Variants in ZBTB47 observed in about 807,000 individuals in gnomAD.
ZBTB47 encodes the protein zinc finger and BTB domain-containing protein 47.
In ZBTB47, 24 loss-of-function variants were observed where a neutral mutation model predicts 56.6. The observed-to-expected ratio is 0.42, with a 90% CI of 0.31 to 0.60. The LOEUF is 0.60. ZBTB47 is among the 20% of genes least tolerant of loss of function. The pLI is 0.14. For missense variants in ZBTB47, 829 were observed against 1,032.6 expected, an observed-to-expected ratio of 0.80 and a Z score of 2.70; for synonymous variants, 414 against 418.9, an observed-to-expected ratio of 0.99 and a Z score of 0.14.
At chr3:42,655,281 G>GC (rs1165084072) in intron 1 of ZBTB47, among the ~76,000 whole-genome samples, 4 of 152,046 alleles carry the variant, frequency 2.6e-5, no homozygotes, top group Non-Finnish European at 5.9e-5. Flanking sequence ...CTCAGTCTGG[G>GC]CCCCCCCACT....
chr3:42,655,015 G>A (rs886535457), intron 1 of ZBTB47, among the ~76,000 whole-genome samples: 8 of 152,116 alleles, frequency 5.3e-5, no homozygotes, highest in Non-Finnish European at 1.2e-4. Context: ...AGAGGGAGTC[G>A]GATTCCCGCC....
rs548337309 is a variant in ZBTB47, at chr3:42,664,250, C to T, written c.1896C>T (p.Tyr632=). The change falls in exon 6 of 6, where the codon TAC becomes TAT. Residue 632 remains tyrosine, a synonymous_variant. Transcript: ENST00000232974. ...CCCAACCCCCAGGAGAGAAGCCGTA[C>T]ATCTGCGAGATCTGTGGCAAGAGCT... ...HMKTHTGEKP[Y]ICEICGKSFT... 1.9e-6 allele frequency: 3 copies of T among 1,613,708 alleles called. No individual in the cohort carries two copies. The highest frequency in any genetic ancestry group is 4.5e-5 in the East Asian group (2 of 44,858).
rs770416446 is a variant in ZBTB47 at position 42,659,744 on chromosome 3, G to C, written c.1389G>C (p.Gln463His). 1 of 1,613,812 alleles carries C rather than the reference G, an allele frequency of 6.2e-7. No individual in the cohort carries two copies. Among genetic ancestry groups the C allele is most frequent in the African/African-American group, 1.3e-5 (1 of 74,956 alleles). The change falls in exon 2 of 6, where the codon CAG (glutamine) becomes CAC (histidine). Residue 463 changes from glutamine (Q) to histidine (H), a missense_variant. Coordinates refer to ENST00000232974, the MANE Select transcript of ZBTB47 (RefSeq NM_145166.4). ...KHMNVTHSRM[Q>H]ICDQCGKRFL... ...TGAATGTGACCCACAGCCGCATGCA[G>C]ATCTGCGACCAGTGCGGCAAGCGCT...
intron 1 of ZBTB47, among the ~76,000 whole-genome samples, chr3:42,657,722 C>G (rs1400772057): frequency 6.6e-6 from 1 of 152,162 alleles, no homozygotes; most frequent in African/African-American, 2.4e-5. Context: ...AGCAGTGAGC[C>G]CGGCTTCTGT....
chr3:42,661,948 GA>G (rs1710727322), intron 3 of ZBTB47, among the ~76,000 whole-genome samples: 1 of 152,240 alleles, frequency 6.6e-6, no homozygotes, highest in Admixed American at 6.5e-5. Context: ...TCCACCCAGG[GA>G]AAAGAATACC....
rs1353134859 is a variant in ZBTB47, at chr3:42,658,326, G to A, written c.-30G>A. Reference sequence around the variant, plus strand: ...CCCGGCGGCTGAGTTCTCGCTGGTGGAGGACGTGGCGCTGCACTTTGCCTG... The same window carrying A: ...CCCGGCGGCTGAGTTCTCGCTGGTGAAGGACGTGGCGCTGCACTTTGCCTG... On this transcript the variant is annotated 5_prime_UTR_variant, in exon 2 of 6. It introduces an in-frame stop codon into an upstream open reading frame of the 5' UTR. Transcript: ENST00000232974. 6.6e-7 allele frequency: 1 copy of A among 1,507,342 alleles called. No homozygotes were observed. The highest frequency in any genetic ancestry group is 2.5e-5 in the East Asian group (1 of 40,638). The allele number at this position is 1,507,342 out of a possible 1,614,324, so 93.4% of individuals were successfully genotyped here.
At position 42,663,482 on chromosome 3, in the gene ZBTB47, A is replaced by G. The variant is rs1710746643; in HGVS notation, c.1738-315A>G. Among the ~76,000 whole-genome samples the G allele has an allele frequency of 6.6e-6, 1 of 152,064 alleles. No individual in the cohort carries two copies. Among genetic ancestry groups the G allele is most frequent in the Non-Finnish European group, 1.5e-5 (1 of 67,976 alleles). On this transcript the variant is annotated intron_variant, in intron 4 of 5. Coordinates refer to ENST00000232974, the MANE Select transcript of ZBTB47 (RefSeq NM_145166.4). The surrounding 1 kb of genome is among the most constrained non-coding windows in gnomAD (Gnocchi z 5.1). ...GAGCTGCAGGTGGGGAGGTGGGGGC[A>G]GGGGCTGGGCGTCTGATCAGGAGGA...
At chr3:42,664,039 C>G in intron 5 of ZBTB47, 98 bp downstream of exon 5, 7 of 1,487,262 alleles carry the variant, frequency 4.7e-6, no homozygotes, top group Non-Finnish European at 6.3e-6. Flanking sequence ...CACCCCTTCT[C>G]AAGTCTGGGC....
At chr3:42,657,479 G>T (rs1222087575) in intron 1 of ZBTB47, among the ~76,000 whole-genome samples, 2 of 152,238 alleles carry the variant, frequency 1.3e-5, no homozygotes, top group Non-Finnish European at 2.9e-5. Context: ...GAGAGCTGCT[G>T]GGGGCTAGGC....
intron 2 of ZBTB47, 140 bp from the exon 3 acceptor site, chr3:42,661,345 G>C (rs535765763): frequency 1.1e-4 from 103 of 898,046 alleles, no homozygotes; most frequent in Non-Finnish European, 1.6e-4. Context: ...AGAAACATCA[G>C]AGCTGGCTGG....
Position 42,664,690 on chromosome 3 carries a change from G to C in ZBTB47, c.*92G>C, listed in dbSNP as rs1383158565. On this transcript the variant is annotated 3_prime_UTR_variant, in exon 6 of 6. Transcript: ENST00000232974. Reference sequence around the variant, plus strand: ...GCCTTCCCGGGGAGCACAGTAGTGCGGGCCTGGGCCCTGCTCCACCTCCAG... The same window carrying C: ...GCCTTCCCGGGGAGCACAGTAGTGCCGGCCTGGGCCCTGCTCCACCTCCAG... 2.3e-6 allele frequency: 3 copies of C among 1,314,054 alleles called. No homozygotes were observed. In the Admixed American group the frequency reaches 1.2e-4, roughly 52 times the overall value. 81.4% of individuals were successfully genotyped at this position (1,314,054 alleles called of 1,614,324 possible).
chr3:42,660,446 T>A (rs1334984720), intron 2 of ZBTB47, among the ~76,000 whole-genome samples: 1 of 151,950 alleles, frequency 6.6e-6, no homozygotes, highest in Non-Finnish European at 1.5e-5. Context: ...GGGTGAGAAA[T>A]TTGGGAAGAG....
In ZBTB47 at chr3:42,654,770, G is replaced by A. The variant is rs1483037471; in HGVS notation, c.-82+887G>A. ...CTGACCTCCCAGGCACACGGCCCGC[G>A]GGCCCGGGTGGAGGGGCTGGAGGGA... On this transcript the variant is annotated intron_variant, in intron 1 of 5. Transcript: ENST00000232974. This position sits in a 1 kb window ranked among gnomAD's most constrained non-coding sequence, Gnocchi z 5.0. The A allele has an allele frequency of 2.0e-5, 19 of 959,170 alleles. No individual in the cohort carries two copies. The South Asian group carries it at 9.1e-4, about 46-fold the overall frequency. The allele number at this position is 959,170 out of a possible 1,614,324, so 59.4% of individuals were successfully genotyped here.
rs1710609033 is a variant in ZBTB47, at chr3:42,654,334, T to A, written c.-82+451T>A. On this transcript the variant is annotated intron_variant, in intron 1 of 5. Coordinates refer to ENST00000232974, the MANE Select transcript of ZBTB47 (RefSeq NM_145166.4). This position sits in a 1 kb window ranked among gnomAD's most constrained non-coding sequence, Gnocchi z 5.0. ...CTGGGGCTGGGGGTGGAGGGCAGCC[T>A]GCGGCAGGGCGGGCTGCACGGGGAC... 6 of 148,710 alleles carry A rather than the reference T, an allele frequency of 4.0e-5. No individual in the cohort carries two copies. In the South Asian group the frequency reaches 1.3e-3, roughly 31 times the overall value. 9.2% of individuals were successfully genotyped at this position (148,710 alleles called of 1,614,324 possible). A position where few individuals can be genotyped will look rare whatever the true frequency, so the allele number is the denominator to read the frequency against.
At chr3:42,659,884 T>G (rs774534725) in intron 2 of ZBTB47, 56 bp downstream of exon 2, 15 of 1,517,270 alleles carry the variant, frequency 9.9e-6, no homozygotes, top group South Asian at 1.3e-5. Context: ...GGCTAGGCCA[T>G]AACTGGGCTC....
chr3:42,659,371 A>G lies in ZBTB47; in HGVS notation c.1016A>G (p.Glu339Gly). 3 of 1,208,562 alleles carry G rather than the reference A, an allele frequency of 2.5e-6. No individual in the cohort carries two copies. The highest frequency in any genetic ancestry group is 3.2e-6 in the Non-Finnish European group (3 of 945,904). 74.9% of individuals were successfully genotyped at this position (1,208,562 alleles called of 1,614,324 possible). The stretch of plus-strand genomic sequence containing the variant: ...GAGGAAGAGGAGGAAGGGCCTAGTG[A>G]GCAGGATCAAGAGAGCTCTGAGGAG... ...EEEEEEEGPS[E>G]QDQESSEEEE... The change falls in exon 2 of 6, where the codon GAG (glutamate) becomes GGG (glycine). Residue 339 changes from glutamate to glycine, a missense_variant. Physicochemically the swap from Glu to Gly is moderately conservative, Grantham distance 98 (BLOSUM62 -2). Coordinates refer to ENST00000232974, the MANE Select transcript of ZBTB47 (RefSeq NM_145166.4).
chr3:42,662,326 G>A (rs1252860718), intron 3 of ZBTB47, among the ~76,000 whole-genome samples: 2 of 152,208 alleles, frequency 1.3e-5, no homozygotes, highest in Non-Finnish European at 2.9e-5. Context: ...ACAGTGCTGG[G>A]GGCCCTCCAG....
rs964771512 is a variant in ZBTB47, at chr3:42,664,817, C to A, written c.*219C>A. The A allele has an allele frequency of 4.7e-6, 2 of 421,638 alleles. No homozygotes were observed. Among genetic ancestry groups the A allele is most frequent in the Non-Finnish European group, 8.0e-6 (2 of 249,710 alleles). The allele number at this position is 421,638 out of a possible 1,614,324, so 26.1% of individuals were successfully genotyped here. ...GGCATCTCACTCCCAAGTGCCCCCC[C>A]TTTCTGTGACTCCTTGAAGCCTTTA... On this transcript the variant is annotated 3_prime_UTR_variant, in exon 6 of 6. Coordinates refer to ENST00000232974, the MANE Select transcript of ZBTB47 (RefSeq NM_145166.4).
chr3:42,659,045 G>T lies in ZBTB47; in HGVS notation c.690G>T (p.Glu230Asp), dbSNP rs1021315755. 7.2e-6 allele frequency: 11 copies of T among 1,528,388 alleles called. No homozygotes were observed. The African/African-American group carries it at 1.5e-4, about 21-fold the overall frequency. The allele number at this position is 1,528,388 out of a possible 1,614,324, so 94.7% of individuals were successfully genotyped here. A position where few individuals can be genotyped will look rare whatever the true frequency, so the allele number is the denominator to read the frequency against. ...LGGSGTYSRR[E>D]QSQIIVEVNL... ...GTTCTGGCACCTACAGCCGCAGGGA[G>T]CAATCCCAGATCATCGTGGAGGTGA... is the stretch of plus-strand genomic sequence containing the variant. The change falls in exon 2 of 6, where the codon GAG (glutamate) becomes GAT (aspartate). Residue 230 changes from glutamate (E) to aspartate (D), a missense_variant. By Grantham distance (45) the Glu-to-Asp change is conservative. Transcript: ENST00000232974.
Sources: allele counts gnomAD v4.1 joint callset (sites outside exome capture counted in the v4.1 genomes callset), GRCh38; gene constraint gnomAD v4.1.1; non-coding constraint Gnocchi (gnomAD v3.1); transcripts MANE v1.5; gene names NCBI Gene and HGNC (gene_info 2026-07-23, HGNC 2026-07-21).